The following SMAD2 variants were observed in gnomAD, a reference collection of about 807,000 sequenced individuals.
SMAD2 encodes the protein MAD homolog 2.
A neutral mutation model predicts 64.4 loss-of-function variants in SMAD2; 8 were observed. That is an observed-to-expected ratio of 0.12 (90% CI 0.07 to 0.22). The LOEUF (loss-of-function observed/expected upper bound fraction) is 0.22. Ranked by LOEUF, SMAD2 falls within the 10% of genes least tolerant of loss-of-function variation. SMAD2 has a pLI of 1.00. For synonymous variants in SMAD2, 203 were observed against 195.8 expected (o/e 1.04, Z -0.31); for missense variants, 289 against 561.2 (o/e 0.51, Z 4.90).
intron 1 of SMAD2, among the ~76,000 whole-genome samples, chr18:47,902,200 G>C (rs912116316): frequency 1.3e-5 from 2 of 152,112 alleles, no homozygotes. Context: ...GAAAAACAAT[G>C]ATCAGCTGCA....
chr18:47,898,594 C>T (rs1334532577), intron 1 of SMAD2, among the ~76,000 whole-genome samples: 2 of 152,174 alleles, frequency 1.3e-5, no homozygotes, highest in Non-Finnish European at 2.9e-5. Flanking sequence ...CCAATGTACA[C>T]AAACTGCATT....
chr18:47,906,801 A>C, intron 1 of SMAD2, among the ~76,000 whole-genome samples: 1 of 151,584 alleles, frequency 6.6e-6, no homozygotes, highest in South Asian at 2.1e-4. Context: ...TCTCTCCCCC[A>C]CCTTCAGAGC....
Position 47,835,611 on chromosome 18 carries a change from G to T in SMAD2, c.*6216C>A. On this transcript the variant is annotated 3_prime_UTR_variant, in exon 11 of 11. Transcript: ENST00000262160. ...AGCTTTATAATAACAGCATTATAAA[G>T]GATAGAACTTAATATAGAACCAGAA... is the stretch of plus-strand genomic sequence containing the variant. 1 of 193,848 alleles carries T rather than the reference G, an allele frequency of 5.2e-6. No homozygotes were observed. The highest frequency in any genetic ancestry group is 2.3e-5 in the African/African-American group (1 of 43,252). 12.0% of individuals were successfully genotyped at this position (193,848 alleles called of 1,614,324 possible).
At chr18:47,905,114 G>A (rs915873004) in intron 1 of SMAD2, among the ~76,000 whole-genome samples, 1 of 152,078 alleles carries the variant, frequency 6.6e-6, no homozygotes, top group Non-Finnish European at 1.5e-5. Flanking sequence ...AAAAGTGCAT[G>A]GAATCTACAA....
In SMAD2 at chr18:47,810,875, G is replaced by A. The variant is rs1161187299; in HGVS notation, c.*30952C>T. 1 of 152,214 alleles carries A rather than the reference G, an allele frequency of 6.6e-6. No individual in the cohort carries two copies. The highest frequency in any genetic ancestry group is 1.5e-5 in the Non-Finnish European group (1 of 68,052). The allele number at this position is 152,214 out of a possible 1,614,324, so 9.4% of individuals were successfully genotyped here. On this transcript the variant is annotated 3_prime_UTR_variant, in exon 11 of 11. Coordinates refer to ENST00000262160, the MANE Select transcript of SMAD2 (RefSeq NM_005901.6). ...TGCACCATCTTCTGAATTCAGCATC[G>A]TCTTCCTTAGACTGTGGGATGCAAA... is the stretch of plus-strand genomic sequence containing the variant.
chr18:47,904,274 C>T (rs535132197), intron 1 of SMAD2, among the ~76,000 whole-genome samples: 14 of 149,662 alleles, frequency 9.4e-5, no homozygotes, highest in Admixed American at 2.7e-4. Flanking sequence ...TCAACTATGA[C>T]GGGAGAGGCA....
chr18:47,893,492 G>A (rs941069886), intron 2 of SMAD2, among the ~76,000 whole-genome samples: 5 of 152,144 alleles, frequency 3.3e-5, no homozygotes, highest in African/African-American at 9.7e-5. Context: ...AAACCATAAA[G>A]GCACTTTACT....
At chr18:47,882,554 T>G (rs563787057) in intron 2 of SMAD2, 4 of 152,374 alleles carry the variant, frequency 2.6e-5, no homozygotes, top group African/African-American at 9.6e-5. Flanking sequence ...AACTCAATTA[T>G]GATGTATTCT....
intron 10 of SMAD2, among the ~76,000 whole-genome samples, chr18:47,844,108 C>T (rs1207020471): frequency 6.6e-6 from 1 of 152,116 alleles, no homozygotes; most frequent in East Asian, 1.9e-4. Context: ...ATAATCAAAA[C>T]AGAACTACAG....
chr18:47,877,899 TG>T (rs1409186508), intron 2 of SMAD2, among the ~76,000 whole-genome samples: 1 of 152,202 alleles, frequency 6.6e-6, no homozygotes, highest in East Asian at 1.9e-4. Context: ...AGCTAATAAG[TG>T]CTCACATTCC....
intron 7 of SMAD2, among the ~76,000 whole-genome samples, chr18:47,849,730 C>T (rs1914909366): frequency 6.6e-6 from 1 of 151,908 alleles, no homozygotes; most frequent in Non-Finnish European, 1.5e-5. Context: ...AATTTGGGCC[C>T]AGCACGATGG....
At chr18:47,854,548 T>C (rs2030481430) in intron 6 of SMAD2, among the ~76,000 whole-genome samples, 1 of 152,196 alleles carries the variant, frequency 6.6e-6, no homozygotes, top group African/African-American at 2.4e-5. Context: ...TTTAGCCAAT[T>C]CTATTAACTA....
In SMAD2 at chr18:47,845,100, AT is replaced by A. The variant is rs1914364793; in HGVS notation, c.1280+239del. 8 of 615,164 alleles carry A rather than the reference AT, an allele frequency of 1.3e-5. No individual in the cohort carries two copies. In the South Asian group the frequency reaches 1.6e-4, roughly 12 times the overall value. The allele number at this position is 615,164 out of a possible 1,614,324, so 38.1% of individuals were successfully genotyped here. A position where few individuals can be genotyped will look rare whatever the true frequency, so the allele number is the denominator to read the frequency against. ...CCTTCATATACACCCCTTTTATGAT[AT>A]TTAACACTCTGAATTACGTTAAAAT... On this transcript the variant is annotated intron_variant, in intron 10 of 10. Transcript: ENST00000262160.
chr18:47,912,808 A>G (rs2034188452), intron 1 of SMAD2, among the ~76,000 whole-genome samples: 1 of 151,604 alleles, frequency 6.6e-6, no homozygotes, highest in African/African-American at 2.4e-5. Context: ...TTCCATTCAT[A>G]AGAATTTAGC....
chr18:47,921,767 A>G (rs1318742012), intron 1 of SMAD2, among the ~76,000 whole-genome samples: 1 of 152,250 alleles, frequency 6.6e-6, no homozygotes, highest in Non-Finnish European at 1.5e-5. Flanking sequence ...CACTTCCCTT[A>G]AAGTTGACTG....
intron 2 of SMAD2, among the ~76,000 whole-genome samples, chr18:47,886,071 G>A (rs2032885398): frequency 6.6e-6 from 1 of 152,128 alleles, no homozygotes; most frequent in African/African-American, 2.4e-5. Flanking sequence ...TGGAGATATG[G>A]GGTATCCCAA....
chr18:47,872,591 C>T (rs2032004001), intron 2 of SMAD2, among the ~76,000 whole-genome samples: 1 of 152,136 alleles, frequency 6.6e-6, no homozygotes, highest in Admixed American at 6.6e-5. Context: ...GGACACACAG[C>T]AGAAGGTGAG....
intron 1 of SMAD2, among the ~76,000 whole-genome samples, chr18:47,916,338 T>G (rs2034334626): frequency 6.6e-6 from 1 of 152,136 alleles, no homozygotes; most frequent in Non-Finnish European, 1.5e-5. Context: ...CCATACGGGG[T>G]CTTCATTTGT....
At chr18:47,905,227 A>G (rs1479185292) in intron 1 of SMAD2, among the ~76,000 whole-genome samples, 2 of 152,194 alleles carry the variant, frequency 1.3e-5, no homozygotes, top group South Asian at 2.1e-4. Flanking sequence ...GAAACAACAG[A>G]TATTTTCTAC....
Sources: allele counts gnomAD v4.1 joint callset (sites outside exome capture counted in the v4.1 genomes callset), GRCh38; gene constraint gnomAD v4.1.1; transcripts MANE v1.5; gene names NCBI Gene and HGNC (gene_info 2026-07-23, HGNC 2026-07-21).